The following SCLT1 variants were observed in gnomAD, a reference collection of about 807,000 sequenced individuals.
The protein encoded by SCLT1 is sodium channel-associated protein 1.
A neutral mutation model predicts 112.8 loss-of-function variants in SCLT1; 78 were observed. That is an observed-to-expected ratio of 0.69 (90% CI 0.58 to 0.83). The LOEUF (loss-of-function observed/expected upper bound fraction) is 0.83. SCLT1 is among the 40% of genes least tolerant of loss of function. The probability of loss-of-function intolerance (pLI) is 0.00; values close to 1 mark genes in which losing one functional copy is unlikely to be tolerated. For missense variants in SCLT1, 747 were observed against 770.4 expected, an observed-to-expected ratio of 0.97 and a Z score of 0.36; for synonymous variants, 257 against 254.7, an observed-to-expected ratio of 1.01 and a Z score of -0.09.
intron 5 of SCLT1, among the ~76,000 whole-genome samples, chr4:129,035,147 T>C (rs1240311596): frequency 2.0e-5 from 3 of 152,176 alleles, no homozygotes; most frequent in Non-Finnish European, 4.4e-5. Context: ...CTTCAGTAGC[T>C]CAATAATATC....
In SCLT1 at chr4:129,012,927, A is replaced by G. The variant is rs191868243; in HGVS notation, c.291-9051T>C. Among the ~76,000 whole-genome samples the G allele has an allele frequency of 2.1e-4, 32 of 152,050 alleles. No individual in the cohort carries two copies. The East Asian group carries it at 6.2e-3, about 30-fold the overall frequency. On this transcript the variant is annotated intron_variant, in intron 5 of 20. Transcript: ENST00000281142. Reference sequence around the variant, plus strand: ...TCACTGCATGTGAGATAGGACTCTTAAAGACAGCATACCAACGGGTTTTGC... The same window carrying G: ...TCACTGCATGTGAGATAGGACTCTTGAAGACAGCATACCAACGGGTTTTGC...
At chr4:128,959,355 G>C (rs886743515) in intron 12 of SCLT1, among the ~76,000 whole-genome samples, 4 of 151,856 alleles carry the variant, frequency 2.6e-5, no homozygotes, top group African/African-American at 9.7e-5. Flanking sequence ...ATGAAGATTA[G>C]TTACGCAGCA....
intron 4 of SCLT1, 65 bp from the exon 5 acceptor site, chr4:129,039,161 C>G: frequency 1.0e-6 from 1 of 973,178 alleles, no homozygotes; most frequent in East Asian, 2.4e-5. Context: ...TTAAGTAGAC[C>G]ACTCACGTAA....
intron 9 of SCLT1, among the ~76,000 whole-genome samples, chr4:128,985,061 T>C (rs1413507938): frequency 6.6e-6 from 1 of 152,206 alleles, no homozygotes; most frequent in Non-Finnish European, 1.5e-5. Flanking sequence ...TTCTAAATGA[T>C]GCACAGTATT....
At chr4:129,019,123 A>G (rs941578983) in intron 5 of SCLT1, among the ~76,000 whole-genome samples, 1 of 152,206 alleles carries the variant, frequency 6.6e-6, no homozygotes, top group African/African-American at 2.4e-5. Flanking sequence ...AACTGAAATC[A>G]TATAGTCCAA....
At chr4:128,877,104 A>G (rs952072694) in intron 3 of SCLT1, among the ~76,000 whole-genome samples, 1 of 152,212 alleles carries the variant, frequency 6.6e-6, no homozygotes, top group Non-Finnish European at 1.5e-5. Flanking sequence ...CTTCTGAAAT[A>G]AAAGCTGATT....
chr4:128,994,079 A>G (rs1742803527), intron 8 of SCLT1, among the ~76,000 whole-genome samples: 1 of 152,092 alleles, frequency 6.6e-6, no homozygotes, highest in Non-Finnish European at 1.5e-5. Context: ...TAAGTGTACA[A>G]TACGTTATTG....
chr4:129,079,121 C>T (rs1000042181), intron 2 of SCLT1, among the ~76,000 whole-genome samples: 1 of 152,164 alleles, frequency 6.6e-6, no homozygotes, highest in Non-Finnish European at 1.5e-5. Context: ...GATTACCATT[C>T]GACATTAGAT....
chr4:128,885,109 C>G (rs1732793005), intron 20 of SCLT1, among the ~76,000 whole-genome samples: 1 of 152,090 alleles, frequency 6.6e-6, no homozygotes, highest in South Asian at 2.1e-4. Context: ...AAAAGTTAAT[C>G]AGGAAAGTTT....
downstream of SCLT1, among the ~76,000 whole-genome samples, chr4:128,879,657 A>T (rs1286373568): frequency 6.6e-6 from 1 of 152,224 alleles, no homozygotes; most frequent in Non-Finnish European, 1.5e-5. Flanking sequence ...TGTTAGCATG[A>T]TGCACAGCAC....
chr4:128,970,700 C>A, intron 9 of SCLT1: 1 of 416,750 alleles, frequency 2.4e-6, no homozygotes, highest in African/African-American at 2.0e-5. Flanking sequence ...GTCATGAATG[C>A]TGTACTTGGG....
intron 3 of SCLT1, among the ~76,000 whole-genome samples, chr4:128,876,877 A>ATTC (rs1461047296): frequency 1.3e-5 from 2 of 152,188 alleles, no homozygotes; most frequent in Non-Finnish European, 2.9e-5. Flanking sequence ...TCCTTTATGA[A>ATTC]TTCTTCAACT....
intron 5 of SCLT1, among the ~76,000 whole-genome samples, chr4:129,019,386 A>G (rs1342224888): frequency 6.6e-6 from 1 of 152,176 alleles, no homozygotes; most frequent in East Asian, 1.9e-4. Flanking sequence ...TTTACATACC[A>G]TTAAAAAGAA....
At chr4:128,978,604 T>C (rs1741387436) in intron 9 of SCLT1, among the ~76,000 whole-genome samples, 1 of 151,982 alleles carries the variant, frequency 6.6e-6, no homozygotes, top group Non-Finnish European at 1.5e-5. Flanking sequence ...TCATAAAAGG[T>C]ACCAGTAATT....
intron 14 of SCLT1, among the ~76,000 whole-genome samples, chr4:128,951,346 TATGAG>T (rs1223590724): frequency 6.6e-6 from 1 of 152,168 alleles, no homozygotes; most frequent in Non-Finnish European, 1.5e-5. Flanking sequence ...TCAACATGAC[TATGAG>T]ATGTTTCATA....
intron 18 of SCLT1, among the ~76,000 whole-genome samples, chr4:128,915,481 T>C (rs1252088633): frequency 6.6e-6 from 1 of 152,218 alleles, no homozygotes; most frequent in Non-Finnish European, 1.5e-5. Context: ...ATTCTTAGAA[T>C]CAATAGCATT....
At chr4:128,916,909 G>A (rs914003493) in intron 18 of SCLT1, among the ~76,000 whole-genome samples, 1 of 152,108 alleles carries the variant, frequency 6.6e-6, no homozygotes, top group African/African-American at 2.4e-5. Context: ...TTGAGAAGCT[G>A]AGTGTACAAC....
intron 5 of SCLT1, among the ~76,000 whole-genome samples, chr4:129,018,281 G>A (rs1237796903): frequency 6.6e-6 from 1 of 152,166 alleles, no homozygotes; most frequent in Admixed American, 6.5e-5. Context: ...AATACAGGAA[G>A]GCATATTAAA....
At chr4:128,994,773 C>T (rs575856880) in intron 8 of SCLT1, among the ~76,000 whole-genome samples, 19 of 152,162 alleles carry the variant, frequency 1.2e-4, no homozygotes, top group African/African-American at 3.6e-4. Context: ...TTAGTGACAT[C>T]GAGCATTGGG....
Sources: allele counts gnomAD v4.1 joint callset (sites outside exome capture counted in the v4.1 genomes callset), GRCh38; gene constraint gnomAD v4.1.1; transcripts MANE v1.5; gene names NCBI Gene and HGNC (gene_info 2026-07-23, HGNC 2026-07-21).